The following RORB variants were observed in gnomAD, a reference collection of about 807,000 sequenced individuals.
RORB encodes the protein nuclear receptor ROR-beta.
A neutral mutation model predicts 59.1 loss-of-function variants in RORB; 6 were observed. The observed-to-expected ratio is 0.10, with a 90% CI of 0.06 to 0.20. The LOEUF (loss-of-function observed/expected upper bound fraction) is 0.20. Among genes scored for constraint, RORB ranks in the 10% least tolerant of loss-of-function variants. RORB has a pLI of 1.00. For missense variants in RORB, 320 were observed against 560.5 expected, an observed-to-expected ratio of 0.57 and a Z score of 4.33; for synonymous variants, 215 against 204.5, an observed-to-expected ratio of 1.05 and a Z score of -0.44.
chr9:74,556,916 C>G (rs1448507269), intron 1 of RORB, among the ~76,000 whole-genome samples: 1 of 152,146 alleles, frequency 6.6e-6, no homozygotes, highest in Non-Finnish European at 1.5e-5. Flanking sequence ...GTGTTAATGT[C>G]AATAGATTCT....
intron 4 of RORB, among the ~76,000 whole-genome samples, chr9:74,646,329 G>T (rs941100565): frequency 6.6e-6 from 1 of 152,026 alleles, no homozygotes; most frequent in Admixed American, 6.5e-5. Context: ...TGAAATTTTT[G>T]ATAAAAACAC....
chr9:74,552,496 T>C lies in RORB; in HGVS notation c.7+54513T>C, dbSNP rs185481844. On this transcript the variant is annotated intron_variant, in intron 1 of 9. Coordinates refer to ENST00000376896, the MANE Select transcript of RORB (RefSeq NM_006914.4). ...CTACATCTTAAGAGTGTTATGAGAG[T>C]TAAATATTAATATATTAATAAATAG... Among the ~76,000 whole-genome samples, 189 of 152,190 alleles carry C rather than the reference T, an allele frequency of 1.2e-3. 1 individual carries two copies. Among genetic ancestry groups the C allele is most frequent in the African/African-American group, 3.9e-3 (164 of 41,520 alleles).
intron 1 of RORB, among the ~76,000 whole-genome samples, chr9:74,531,900 T>G (rs1015670413): frequency 6.6e-5 from 10 of 151,940 alleles, no homozygotes; most frequent in African/African-American, 2.4e-4. Flanking sequence ...AGTCTTGAAA[T>G]GCACAGTGTC....
In RORB at chr9:74,601,417, G is replaced by A. The variant is rs183985589; in HGVS notation, c.8-28865G>A. On this transcript the variant is annotated intron_variant, in intron 1 of 9. Transcript: ENST00000376896. ...ATAAAATATTTTAGTTGCAGAGAAG[G>A]TTTTCAATGATATGTTCCCCTCACA... Among the ~76,000 whole-genome samples the A allele has an allele frequency of 7.1e-3, 1,062 of 150,394 alleles. 15 individuals are homozygous for A. The highest frequency in any genetic ancestry group is 0.023 in the African/African-American group (935 of 41,094).
chr9:74,634,598 T>A lies in RORB; in HGVS notation c.94-33T>A, dbSNP rs375077971. ...TGTTCTCTGTTTCCCTTCTTATAAA[T>A]CTGTTTCCCTCCCCTTCTCTTTTTC... On this transcript the variant is annotated intron_variant, in intron 2 of 9. Coordinates refer to ENST00000376896, the MANE Select transcript of RORB (RefSeq NM_006914.4). The A allele has an allele frequency of 1.8e-5, 28 of 1,565,142 alleles. No homozygotes were observed. In the African/African-American group the frequency reaches 3.1e-4, roughly 18 times the overall value.
At chr9:74,598,878 A>G (rs952753812) in intron 1 of RORB, among the ~76,000 whole-genome samples, 5 of 152,210 alleles carry the variant, frequency 3.3e-5, no homozygotes, top group African/African-American at 1.2e-4. Flanking sequence ...GTATCATAAC[A>G]GCAGAGAAGG....
intron 1 of RORB, among the ~76,000 whole-genome samples, chr9:74,518,351 C>T (rs1217126205): frequency 1.3e-5 from 2 of 151,928 alleles, no homozygotes; most frequent in Non-Finnish European, 2.9e-5. Flanking sequence ...AAAAAATTGC[C>T]ACCAATGACC....
chr9:74,685,372 T>C, intron 9 of RORB, 91 bp from the exon 10 acceptor site: 2 of 1,060,020 alleles, frequency 1.9e-6, no homozygotes, highest in South Asian at 2.5e-5. Flanking sequence ...GCCTTTTACC[T>C]TCATCTGGGG....
intron 1 of RORB, among the ~76,000 whole-genome samples, chr9:74,538,765 T>C (rs942876091): frequency 2.7e-5 from 4 of 147,876 alleles, no homozygotes; most frequent in African/African-American, 7.5e-5. Context: ...AAGGGTTAAA[T>C]AGTAAAAGGG....
chr9:74,675,839 C>A (rs1312236892), intron 9 of RORB, among the ~76,000 whole-genome samples: 1 of 152,098 alleles, frequency 6.6e-6, no homozygotes, highest in African/African-American at 2.4e-5. Flanking sequence ...GGATTAGGAA[C>A]CTGTGATGCT....
chr9:74,618,291 T>C (rs1823345997), intron 1 of RORB, among the ~76,000 whole-genome samples: 3 of 134,944 alleles, frequency 2.2e-5, no homozygotes, highest in Admixed American at 8.0e-5. Flanking sequence ...ACAGGCAAAT[T>C]GTTAAGATGT....
chr9:74,654,436 G>T (rs563366379), intron 4 of RORB, among the ~76,000 whole-genome samples: 1 of 151,966 alleles, frequency 6.6e-6, no homozygotes, highest in South Asian at 2.1e-4. Context: ...GGAGGAAGGA[G>T]GTTAGGTCCA....
At chr9:74,606,989 T>C (rs1467534796) in intron 1 of RORB, among the ~76,000 whole-genome samples, 2 of 152,214 alleles carry the variant, frequency 1.3e-5, no homozygotes, top group Admixed American at 6.5e-5. Flanking sequence ...AGGAATGCTT[T>C]TGGTAGAAAA....
chr9:74,603,613 C>G (rs1438369474), intron 1 of RORB, among the ~76,000 whole-genome samples: 1 of 152,214 alleles, frequency 6.6e-6, no homozygotes, highest in African/African-American at 2.4e-5. Flanking sequence ...CAAATAATTA[C>G]TCCACTGAGT....
intron 1 of RORB, among the ~76,000 whole-genome samples, chr9:74,615,232 C>T (rs1007385532): frequency 2.0e-5 from 3 of 152,212 alleles, no homozygotes; most frequent in South Asian, 2.1e-4. Context: ...ATATGCATAT[C>T]GAATCTGTTT....
chr9:74,524,751 C>A (rs551615887), intron 1 of RORB, among the ~76,000 whole-genome samples: 22 of 151,560 alleles, frequency 1.5e-4, no homozygotes, highest in Non-Finnish European at 3.1e-4. Context: ...TAATATTTGT[C>A]TTTTTTTATG....
intron 1 of RORB, among the ~76,000 whole-genome samples, chr9:74,608,424 C>A (rs972327378): frequency 6.6e-6 from 1 of 151,870 alleles, no homozygotes; most frequent in Non-Finnish European, 1.5e-5. Context: ...ATAAGCCGGG[C>A]GTGGTGGCGG....
At chr9:74,590,773 T>TGTTTTGTTTG (rs1209283458) in intron 1 of RORB, among the ~76,000 whole-genome samples, 1 of 150,988 alleles carries the variant, frequency 6.6e-6, no homozygotes, top group Non-Finnish European at 1.5e-5. Flanking sequence ...TCTGTTTTTT[T>TGTTTTGTTTG]GTTTTGTTTT....
At chr9:74,588,688 C>T (rs1395724187) in intron 1 of RORB, among the ~76,000 whole-genome samples, 3 of 152,038 alleles carry the variant, frequency 2.0e-5, no homozygotes, top group African/African-American at 7.2e-5. Context: ...TCTTTTTGGG[C>T]CATTAGTACA....
Sources: gnomAD v4.1 joint callset for allele counts (sites outside exome capture counted in the v4.1 genomes callset) on GRCh38, gnomAD v4.1.1 for gene constraint, MANE v1.5 for transcripts, NCBI Gene and HGNC (gene_info 2026-07-23, HGNC 2026-07-21) for gene names.